Variants in GPC5 observed in about 807,000 individuals in gnomAD.
The protein encoded by GPC5 is glypican-5.
Under a neutral mutation model 53.9 loss-of-function variants are expected in GPC5, and 47 were observed. The ratio of observed to expected loss-of-function variants is 0.87; its 90% CI spans 0.69 to 1.11. GPC5 has a LOEUF of 1.11. Ranked by LOEUF, GPC5 falls within the 50% of genes most tolerant of loss-of-function variation. The pLI, the probability that GPC5 is intolerant of heterozygous loss-of-function variation, is 0.00. For synonymous variants in GPC5, 286 were observed against 263.3 expected (o/e 1.09, Z -0.84); for missense variants, 748 against 713.1 (o/e 1.05, Z -0.56).
chr13:91,792,637 A>G (rs2037984844), intron 5 of GPC5, among the ~76,000 whole-genome samples: 3 of 152,136 alleles, frequency 2.0e-5, no homozygotes, highest in South Asian at 2.1e-4. Context: ...ATTTTTTTCT[A>G]ACCTGGAGCC....
chr13:91,751,631 CA>C (rs1453181060), intron 4 of GPC5, among the ~76,000 whole-genome samples: 1 of 152,120 alleles, frequency 6.6e-6, no homozygotes, highest in African/African-American at 2.4e-5. Context: ...TTTCAAACCC[CA>C]AACAAGTCCG....
intron 7 of GPC5, among the ~76,000 whole-genome samples, chr13:92,741,522 A>G (rs991378872): frequency 6.6e-6 from 1 of 152,060 alleles, no homozygotes; most frequent in African/African-American, 2.4e-5. Flanking sequence ...TATCCAGAAA[A>G]CAGGTTGAAA....
chr13:92,767,356 A>G (rs1431370934), intron 7 of GPC5, among the ~76,000 whole-genome samples: 1 of 152,094 alleles, frequency 6.6e-6, no homozygotes, highest in Non-Finnish European at 1.5e-5. Flanking sequence ...CTGTAATCCC[A>G]GCTACTTGGG....
intron 6 of GPC5, among the ~76,000 whole-genome samples, chr13:92,054,877 C>T (rs907401504): frequency 5.9e-5 from 9 of 152,104 alleles, no homozygotes; most frequent in African/African-American, 1.9e-4. Flanking sequence ...GACTTTATTT[C>T]TAATTCTTTT....
intron 2 of GPC5, among the ~76,000 whole-genome samples, chr13:91,522,177 T>C (rs1400077783): frequency 6.6e-6 from 1 of 152,174 alleles, no homozygotes; most frequent in East Asian, 1.9e-4. Flanking sequence ...TGTAAACCTT[T>C]GGCCATTCAT....
chr13:92,174,780 A>G (rs2042097838), intron 7 of GPC5, among the ~76,000 whole-genome samples: 1 of 152,202 alleles, frequency 6.6e-6, no homozygotes, highest in Non-Finnish European at 1.5e-5. Context: ...ATGTCATAGA[A>G]TTTAAAATGT....
chr13:91,839,031 T>C (rs2038754608), intron 5 of GPC5, among the ~76,000 whole-genome samples: 1 of 152,136 alleles, frequency 6.6e-6, no homozygotes, highest in South Asian at 2.1e-4. Context: ...ACTGCACACA[T>C]TAAACTCTAT....
chr13:91,484,127 C>T (rs1435935240), intron 2 of GPC5, among the ~76,000 whole-genome samples: 4 of 152,104 alleles, frequency 2.6e-5, no homozygotes, highest in East Asian at 1.9e-4. Context: ...TGACATTTTT[C>T]GAGTGTGTTC....
intron 2 of GPC5, among the ~76,000 whole-genome samples, chr13:91,546,989 G>A (rs2030332902): frequency 6.6e-6 from 1 of 151,914 alleles, no homozygotes; most frequent in Non-Finnish European, 1.5e-5. Context: ...GCAATGAGAA[G>A]GTAGATGGAT....
chr13:91,680,816 C>G (rs1034098609), intron 2 of GPC5, among the ~76,000 whole-genome samples: 1 of 152,044 alleles, frequency 6.6e-6, no homozygotes, highest in African/African-American at 2.4e-5. Flanking sequence ...GAGAATATAG[C>G]TCTTTTCTAT....
At chr13:92,284,354 A>G (rs977589468) in intron 7 of GPC5, among the ~76,000 whole-genome samples, 5 of 152,196 alleles carry the variant, frequency 3.3e-5, no homozygotes, top group African/African-American at 1.2e-4. Flanking sequence ...TATTCCAATC[A>G]TTAGAAAAAG....
chr13:91,560,190 G>A (rs2031182139), intron 2 of GPC5, among the ~76,000 whole-genome samples: 1 of 152,102 alleles, frequency 6.6e-6, no homozygotes, highest in African/African-American at 2.4e-5. Context: ...AATTGGAGAA[G>A]GAATAGAGAT....
chr13:92,632,401 G>A (rs760413192), intron 7 of GPC5, among the ~76,000 whole-genome samples: 3 of 149,060 alleles, frequency 2.0e-5, no homozygotes, highest in Non-Finnish European at 3.0e-5. Flanking sequence ...CGACTGCAAC[G>A]TGCAAGTTAT....
chr13:92,479,516 G>A (rs1433680683), intron 7 of GPC5, among the ~76,000 whole-genome samples: 1 of 152,168 alleles, frequency 6.6e-6, no homozygotes, highest in Non-Finnish European at 1.5e-5. Context: ...AGTAGAAAAT[G>A]CGACTATAGA....
At chr13:92,111,918 C>T (rs958339868) in intron 6 of GPC5, among the ~76,000 whole-genome samples, 1 of 152,072 alleles carries the variant, frequency 6.6e-6, no homozygotes, top group African/African-American at 2.4e-5. Context: ...TGCTAAGTAC[C>T]TTGAAATTTA....
intron 1 of GPC5, among the ~76,000 whole-genome samples, chr13:91,430,414 T>A (rs889437829): frequency 6.6e-6 from 1 of 152,232 alleles, no homozygotes; most frequent in Non-Finnish European, 1.5e-5. Flanking sequence ...GTATGGACTC[T>A]TAAGCCAATA....
chr13:91,585,347 C>A (rs930518496), intron 2 of GPC5, among the ~76,000 whole-genome samples: 18 of 152,098 alleles, frequency 1.2e-4, no homozygotes, highest in African/African-American at 4.3e-4. Flanking sequence ...AAACAAAGTT[C>A]ATAACAGCAT....
chr13:91,813,886 A>G (rs2038354868), intron 5 of GPC5, among the ~76,000 whole-genome samples: 1 of 150,962 alleles, frequency 6.6e-6, no homozygotes, highest in African/African-American at 2.4e-5. Context: ...GGTTTTGATA[A>G]GATAATATTT....
chr13:92,172,698 T>C (rs1343556173), intron 7 of GPC5, among the ~76,000 whole-genome samples: 5 of 152,082 alleles, frequency 3.3e-5, no homozygotes, highest in Non-Finnish European at 7.4e-5. Flanking sequence ...AAAAGGAGAG[T>C]TCTTCTCATT....
Sources: gnomAD v4.1 joint callset for allele counts (sites outside exome capture counted in the v4.1 genomes callset) on GRCh38, gnomAD v4.1.1 for gene constraint, MANE v1.5 for transcripts, NCBI Gene and HGNC (gene_info 2026-07-23, HGNC 2026-07-21) for gene names.